ANKRD34C: variants seen among roughly 807,000 people sequenced by gnomAD.
ANKRD34C encodes the protein ankyrin repeat domain-containing protein 34C.
For synonymous variants in ANKRD34C, 260 were observed against 253.6 expected, an observed-to-expected ratio of 1.03 and a Z score of -0.24; for missense variants, 563 against 653.0, an observed-to-expected ratio of 0.86 and a Z score of 1.50.
At chr15:79,290,755 G>A (rs1031864824) in intron 1 of ANKRD34C, among the ~76,000 whole-genome samples, 3 of 152,166 alleles carry the variant, frequency 2.0e-5, no homozygotes, top group East Asian at 1.9e-4. Context: ...ATACGAGGAC[G>A]GGAGGACCTC....
At chr15:79,288,978 G>A (rs1288708330) in intron 1 of ANKRD34C, among the ~76,000 whole-genome samples, 1 of 151,834 alleles carries the variant, frequency 6.6e-6, no homozygotes, top group Non-Finnish European at 1.5e-5. Flanking sequence ...GTGCCACCAC[G>A]CCTGGCTAAT....
Position 79,294,460 on chromosome 15 carries a change from C to A in ANKRD34C, c.1176C>A (p.Asn392Lys), listed in dbSNP as rs776218596. The change falls in exon 2 of 2, where the codon AAC (asparagine) becomes AAA (lysine). Residue 392 changes from asparagine to lysine, a missense_variant. Physicochemically the swap from Asn to Lys is moderately conservative, Grantham distance 94. Coordinates refer to ENST00000421388, the MANE Select transcript of ANKRD34C (RefSeq NM_001146341.2). ...TACAGCCAGGGCCTGACCCTCCCAACTCCATTTCCCTTGAATCCGGCAAAG... is the reference window on the plus strand; with the variant it reads ...TACAGCCAGGGCCTGACCCTCCCAAATCCATTTCCCTTGAATCCGGCAAAG... Reference protein sequence around the residue: ...LDIQPGPDPPNSISLESGKGP... With the variant: ...LDIQPGPDPPKSISLESGKGP... 9.7e-6 allele frequency: 15 copies of A among 1,551,602 alleles called. No homozygotes were observed. The highest frequency in any genetic ancestry group is 2.0e-5 in the Admixed American group (1 of 50,988).
intron 1 of ANKRD34C, among the ~76,000 whole-genome samples, chr15:79,284,579 T>C (rs947622787): frequency 2.0e-5 from 3 of 152,178 alleles, no homozygotes; most frequent in African/African-American, 7.2e-5. Flanking sequence ...TGGTGAACAC[T>C]TCCCTCAGCA....
At chr15:79,285,719 A>G (rs1279370935) in intron 1 of ANKRD34C, among the ~76,000 whole-genome samples, 1 of 152,232 alleles carries the variant, frequency 6.6e-6, no homozygotes, top group African/African-American at 2.4e-5. Flanking sequence ...CAAACTGAAG[A>G]GTGAATAATC....
chr15:79,285,997 G>A (rs2141199989), intron 1 of ANKRD34C, among the ~76,000 whole-genome samples: 1 of 152,146 alleles, frequency 6.6e-6, no homozygotes, highest in Admixed American at 6.6e-5. Context: ...TTTACTTTTG[G>A]GGACAATAAA....
Position 79,293,399 on chromosome 15 carries a change from G to A in ANKRD34C, c.115G>A (p.Glu39Lys). 5 of 1,551,684 alleles carry A rather than the reference G, an allele frequency of 3.2e-6. No homozygotes were observed. Among genetic ancestry groups the A allele is most frequent in the Non-Finnish European group, 4.4e-6 (5 of 1,146,990 alleles). ...LLLEGGAYIN[E>K]SNDKGETALM... is the part of the protein sequence containing the mutation. The stretch of plus-strand genomic sequence containing the variant: ...CTTGGAAGGGGGAGCTTATATCAAT[G>A]AAAGCAATGACAAAGGCGAAACAGC... Residue 39 changes from glutamate to lysine, a missense_variant, in exon 2 of 2, where the codon GAA (glutamate) becomes AAA (lysine). Transcript: ENST00000421388.
In ANKRD34C at chr15:79,283,200, T is replaced by C. The variant is rs994998610; in HGVS notation, c.-73T>C. 6.6e-6 allele frequency among the ~76,000 whole-genome samples: 1 copy of C among 152,148 alleles called. No individual in the cohort carries two copies. The highest frequency in any genetic ancestry group is 1.5e-5 in the Non-Finnish European group (1 of 68,018). On this transcript the variant is annotated 5_prime_UTR_variant, in exon 1 of 2. Transcript: ENST00000421388. ...ACACTACCTATAGCCTGGACCCAGG[T>C]GGCCTCGCTCGGCGATTGTCCCCAC... is the stretch of plus-strand genomic sequence containing the variant.
intron 1 of ANKRD34C, among the ~76,000 whole-genome samples, chr15:79,289,067 G>A (rs997948407): frequency 7.2e-5 from 11 of 152,032 alleles, no homozygotes; most frequent in African/African-American, 9.7e-5. Flanking sequence ...TGATCCACCC[G>A]CCTTGGCCTC....
chr15:79,292,158 C>T (rs768393430), intron 1 of ANKRD34C, among the ~76,000 whole-genome samples: 1 of 152,176 alleles, frequency 6.6e-6, no homozygotes, highest in Non-Finnish European at 1.5e-5. Context: ...CCACATGAGC[C>T]ATCTGCTCAT....
rs1362116308 is a variant in ANKRD34C at position 79,294,135 on chromosome 15, G to T, written c.851G>T (p.Ser284Ile). Residue 284 changes from serine to isoleucine, a missense_variant, in exon 2 of 2, where the codon AGC (serine) becomes ATC (isoleucine). Ser to Ile is a moderately radical substitution (Grantham distance 142). Transcript: ENST00000421388. ...AGCACAGACAACGAGGTCATCAAGA[G>T]CATCAGTGATATATCCTTCCCTAAA... ...GASTDNEVIK[S>I]ISDISFPKRG... The T allele has an allele frequency of 4.6e-5, 71 of 1,551,406 alleles. No individual in the cohort carries two copies. The highest frequency in any genetic ancestry group is 6.2e-5 in the Non-Finnish European group (71 of 1,147,002).
At position 79,296,536 on chromosome 15, in the gene ANKRD34C, G is replaced by A. The variant is rs141272316; in HGVS notation, c.*1644G>A. The stretch of plus-strand genomic sequence containing the variant: ...ATCCCCAGTTATTTTTATAAGTACC[G>A]ATCTCTAAACTCATGTGTAAAGTAA... On this transcript the variant is annotated 3_prime_UTR_variant, in exon 2 of 2. Transcript: ENST00000421388. The A allele has an allele frequency of 1.0e-3, 169 of 167,076 alleles. No individual in the cohort carries two copies. The highest frequency in any genetic ancestry group is 3.8e-3 in the African/African-American group (159 of 41,550). 10.3% of individuals were successfully genotyped at this position (167,076 alleles called of 1,614,324 possible).
chr15:79,292,064 T>C (rs1300162878), intron 1 of ANKRD34C, among the ~76,000 whole-genome samples: 2 of 152,194 alleles, frequency 1.3e-5, no homozygotes, highest in Admixed American at 1.3e-4. Context: ...TATAAATAAA[T>C]AAATAACTGC....
chr15:79,288,535 G>T (rs1019987), intron 1 of ANKRD34C, among the ~76,000 whole-genome samples: 40,620 of 152,012 alleles, frequency 0.27, 5,733 homozygotes, highest in East Asian at 0.44. Context: ...TCAGGCCAGG[G>T]TCAGTTTCTT....
Position 79,292,910 on chromosome 15 carries a change from C to T in ANKRD34C, c.-44-331C>T, listed in dbSNP as rs144810623. On this transcript the variant is annotated intron_variant, in intron 1 of 1. Transcript: ENST00000421388. ...AGTTCTACATTTGTGATAAGTGCTGCGCAGTCAACACAATAACATCTTGCA... is the reference window on the plus strand; with the variant it reads ...AGTTCTACATTTGTGATAAGTGCTGTGCAGTCAACACAATAACATCTTGCA... Among the ~76,000 whole-genome samples, 423 of 152,276 alleles carry T rather than the reference C, an allele frequency of 2.8e-3. 2 individuals carry two copies. The highest frequency in any genetic ancestry group is 3.8e-3 in the Non-Finnish European group (260 of 68,030).
intron 1 of ANKRD34C, among the ~76,000 whole-genome samples, chr15:79,284,248 G>A (rs1443912204): frequency 1.3e-5 from 2 of 152,178 alleles, no homozygotes; most frequent in Non-Finnish European, 2.9e-5. Context: ...GCTCTTAAAC[G>A]CTGCCAGATT....
chr15:79,283,487 G>T (rs923610955), intron 1 of ANKRD34C, among the ~76,000 whole-genome samples: 3 of 152,186 alleles, frequency 2.0e-5, no homozygotes, highest in Non-Finnish European at 4.4e-5. Flanking sequence ...TGGGTGATAG[G>T]TGTCTGGATT....
rs369697104 is a variant in ANKRD34C, at chr15:79,288,908, C to T, written c.-44-4333C>T. On this transcript the variant is annotated intron_variant, in intron 1 of 1. Transcript: ENST00000421388. ...CGATCTCGGCTAACTGCAACCTCTG[C>T]CTCCTGGGTTCAAGTGATTCTCCTG... is the stretch of plus-strand genomic sequence containing the variant. 6.7e-5 allele frequency among the ~76,000 whole-genome samples: 10 copies of T among 148,910 alleles called. No homozygotes were observed. In the East Asian group the frequency reaches 1.8e-3, roughly 26 times the overall value.
chr15:79,291,519 A>T (rs1244645145), intron 1 of ANKRD34C, among the ~76,000 whole-genome samples: 2 of 151,594 alleles, frequency 1.3e-5, no homozygotes, highest in Admixed American at 1.3e-4. Context: ...AGGAATAAAA[A>T]TAATTAAAAT....
intron 1 of ANKRD34C, among the ~76,000 whole-genome samples, chr15:79,284,554 G>A (rs2058638162): frequency 6.6e-6 from 1 of 152,184 alleles, no homozygotes; most frequent in African/African-American, 2.4e-5. Context: ...GTAATTAGAA[G>A]AGAAGGAGAA....
Sources: gnomAD v4.1 joint callset for allele counts (sites outside exome capture counted in the v4.1 genomes callset) on GRCh38, gnomAD v4.1.1 for gene constraint, MANE v1.5 for transcripts, NCBI Gene and HGNC (gene_info 2026-07-23, HGNC 2026-07-21) for gene names.